THNSL2: variants seen among roughly 807,000 people sequenced by gnomAD.
THNSL2 encodes threonine synthase-like 2.
In THNSL2, 34 loss-of-function variants were observed where a neutral mutation model predicts 40.0. The ratio of observed to expected loss-of-function variants is 0.85; its 90% CI spans 0.65 to 1.13. The LOEUF is 1.13. Ranked by LOEUF, THNSL2 falls within the 50% of genes most tolerant of loss-of-function variation. The pLI, the probability that THNSL2 is intolerant of heterozygous loss-of-function variation, is 0.00. For synonymous variants in THNSL2, 241 were observed against 247.5 expected, an observed-to-expected ratio of 0.97 and a Z score of 0.25; for missense variants, 537 against 608.8, an observed-to-expected ratio of 0.88 and a Z score of 1.24.
In THNSL2 at chr2:88,178,786, A is replaced by T. The variant is rs1558891550; in HGVS notation, c.575A>T (p.Glu192Val). ...CCTCTTCTCTCCCCCCTGGCAGTGG[A>T]GGGAAACAGCGATGAGCTCGATGAG... ...LKQNVHVFGV[E>V]GNSDELDEPI... The change falls in exon 5 of 9, where the codon GAG becomes GTG. Residue 192 changes from glutamate (E) to valine (V), a missense_variant. By Grantham distance (121) the Glu-to-Val change is moderately radical. Coordinates refer to ENST00000674334, the MANE Select transcript of THNSL2 (RefSeq NM_018271.5). 1 of 1,614,064 alleles carries T rather than the reference A, an allele frequency of 6.2e-7. No individual in the cohort carries two copies. The highest frequency in any genetic ancestry group is 8.5e-7 in the Non-Finnish European group (1 of 1,180,006).
intron 5 of THNSL2, among the ~76,000 whole-genome samples, chr2:88,182,121 C>T (rs1408602906): frequency 6.6e-6 from 1 of 152,094 alleles, no homozygotes; most frequent in East Asian, 1.9e-4. Flanking sequence ...CTTTTGGGTA[C>T]ATAACTAGGA....
intron 4 of THNSL2, chr2:88,177,251 T>G (rs371781822): frequency 6.6e-6 from 1 of 152,250 alleles, no homozygotes. Flanking sequence ...AGATCCTTTC[T>G]TTCCTTTCTA....
chr2:88,183,152 A>G (rs1677884767), intron 7 of THNSL2, 79 bp downstream of exon 7: 4 of 1,553,832 alleles, frequency 2.6e-6, no homozygotes, highest in African/African-American at 1.4e-5. Context: ...AGTCTGGTCA[A>G]GGGAAGAGGA....
chr2:88,171,414 C>G, intron 1 of THNSL2: 1 of 438,864 alleles, frequency 2.3e-6, no homozygotes, highest in South Asian at 1.6e-5. Flanking sequence ...TTCCCAGTGC[C>G]CCAGGTGTGA....
chr2:88,182,901 C>T (rs1181291810), intron 6 of THNSL2, 47 bp from the exon 7 acceptor site: 9 of 1,611,942 alleles, frequency 5.6e-6, no homozygotes, highest in African/African-American at 1.3e-5. Context: ...GGGTGGGGCT[C>T]GATGGGGCTG....
At chr2:88,178,274 A>G (rs1050904182) in intron 4 of THNSL2, among the ~76,000 whole-genome samples, 1 of 152,152 alleles carries the variant, frequency 6.6e-6, no homozygotes, top group Non-Finnish European at 1.5e-5. Context: ...AGAGCAGAAC[A>G]CCTACTCTGT....
chr2:88,179,709 T>G lies in THNSL2; in HGVS notation c.802+696T>G, dbSNP rs140801114. Among the ~76,000 whole-genome samples, 292 of 152,354 alleles carry G rather than the reference T, an allele frequency of 1.9e-3. 2 individuals carry two copies. The highest frequency in any genetic ancestry group is 6.5e-3 in the Admixed American group (100 of 15,308). The stretch of plus-strand genomic sequence containing the variant: ...ATTAATATTTATCAAGCACTTAGTA[T>G]GCAACTGGCACAGTTCTAAATGCTT... On this transcript the variant is annotated intron_variant, in intron 5 of 8. Transcript: ENST00000674334.
In THNSL2 at chr2:88,175,259, G is replaced by T. The variant is rs75522866; in HGVS notation, c.429G>T (p.Gly143=). 7.0e-3 allele frequency: 11,291 copies of T among 1,613,928 alleles called. 523 individuals carry two copies. In the Admixed American group the frequency reaches 0.12, roughly 17 times the overall value. ...TTTCTTCCCATCCAGGAACATCTGG[G>T]GACACAGGAAGTGCTGCCATTGAGA... ...KHVTVVVGTS[G]DTGSAAIESV... The change falls in exon 4 of 9, where the codon GGG becomes GGT. Residue 143 remains glycine, a synonymous_variant. Coordinates refer to ENST00000674334, the MANE Select transcript of THNSL2 (RefSeq NM_018271.5).
At chr2:88,184,938 A>C (rs573193665) in intron 7 of THNSL2, among the ~76,000 whole-genome samples, 1 of 152,270 alleles carries the variant, frequency 6.6e-6, no homozygotes, top group African/African-American at 2.4e-5. Flanking sequence ...GTCTGAAGGA[A>C]GTAGGGAGGG....
At chr2:88,180,305 G>A (rs1225214596) in intron 5 of THNSL2, among the ~76,000 whole-genome samples, 1 of 152,234 alleles carries the variant, frequency 6.6e-6, no homozygotes, top group African/African-American at 2.4e-5. Context: ...TGTCAGGCAA[G>A]GATATCATGA....
chr2:88,171,951 G>C (rs1676421013), intron 1 of THNSL2: 1 of 152,304 alleles, frequency 6.6e-6, no homozygotes, highest in Non-Finnish European at 1.5e-5. Flanking sequence ...CGTGAGACTT[G>C]CACGGGGGCC....
chr2:88,175,294 G>A lies in THNSL2; in HGVS notation c.464G>A (p.Gly155Glu), dbSNP rs1558886799. The A allele has an allele frequency of 6.2e-7, 1 of 1,614,148 alleles. No homozygotes were observed. The highest frequency in any genetic ancestry group is 8.5e-7 in the Non-Finnish European group (1 of 1,180,034). ...TGSAAIESVQ[G>E]AKNMDIIVLL... ...AGTGCTGCCATTGAGAGTGTTCAAGGGGCAAAGAACATGGACATTATCGTT... is the reference window on the plus strand; with the variant it reads ...AGTGCTGCCATTGAGAGTGTTCAAGAGGCAAAGAACATGGACATTATCGTT... The change falls in exon 4 of 9, where the codon GGG becomes GAG. Residue 155 changes from glycine to glutamate, a missense_variant. Physicochemically the swap from Gly to Glu is moderately conservative, Grantham distance 98 (BLOSUM62 -2). Coordinates refer to ENST00000674334, the MANE Select transcript of THNSL2 (RefSeq NM_018271.5).
chr2:88,182,763 C>T lies in THNSL2; in HGVS notation c.867C>T (p.Asp289=), dbSNP rs1480514492. The change falls in exon 6 of 9, where the codon GAC becomes GAT. Residue 289 remains aspartate, a synonymous_variant. Transcript: ENST00000674334. ...TGGTCGTGGCAGTGAACCGCAATGA[C>T]ATCATCCACAGGACTGTCCAGCAGG... ...IRLVVAVNRN[D]IIHRTVQQGD... 1.2e-6 allele frequency: 2 copies of T among 1,614,216 alleles called. No homozygotes were observed. Among genetic ancestry groups the T allele is most frequent in the Non-Finnish European group, 1.7e-6 (2 of 1,180,050 alleles).
Position 88,173,256 on chromosome 2 carries a change from C to A in THNSL2, c.106C>A (p.Pro36Thr), listed in dbSNP as rs771748148. The A allele has an allele frequency of 9.3e-6, 15 of 1,612,248 alleles. No homozygotes were observed. In the Admixed American group the frequency reaches 2.5e-4, roughly 27 times the overall value. The stretch of plus-strand genomic sequence containing the variant: ...GGGCCTCTTTATGCCTGAAGAGCTC[C>A]CACAGTTGGACAGAGGGACCCTGTG... Reference protein sequence around the residue: ...DGGLFMPEELPQLDRGTLCQW... With the variant: ...DGGLFMPEELTQLDRGTLCQW... Residue 36 changes from proline (P) to threonine (T), a missense_variant, in exon 2 of 9, where the codon CCA becomes ACA. Physicochemically the swap from Pro to Thr is conservative, Grantham distance 38 (BLOSUM62 -1). Coordinates refer to ENST00000674334, the MANE Select transcript of THNSL2 (RefSeq NM_018271.5).
chr2:88,172,890 C>G (rs1005822098), intron 1 of THNSL2: 1 of 325,696 alleles, frequency 3.1e-6, no homozygotes, highest in Non-Finnish European at 5.6e-6. Flanking sequence ...CGGCATGCTC[C>G]GATACCCTCT....
intron 7 of THNSL2, 196 bp downstream of exon 7, chr2:88,183,269 A>G: frequency 1.5e-6 from 1 of 664,758 alleles, no homozygotes; most frequent in Non-Finnish European, 2.3e-6. Context: ...TTTAGAGTCA[A>G]ATGAGCTCAA....
At chr2:88,174,989 A>G (rs1676759972) in intron 3 of THNSL2, among the ~76,000 whole-genome samples, 156 bp downstream of exon 3, 1 of 152,194 alleles carries the variant, frequency 6.6e-6, no homozygotes, top group South Asian at 2.1e-4. Context: ...CCCCTTTGCC[A>G]GGCTGATGGA....
Position 88,182,804 on chromosome 2 carries a change from C to G in THNSL2, c.908C>G (p.Ser303Cys), listed in dbSNP as rs769362831. 2 of 1,614,014 alleles carry G rather than the reference C, an allele frequency of 1.2e-6. No homozygotes were observed. Among genetic ancestry groups the G allele is most frequent in the African/African-American group, 2.7e-5 (2 of 74,918 alleles). The change falls in exon 6 of 9, where the codon TCT becomes TGT. Residue 303 changes from serine to cysteine, a missense_variant. By Grantham distance (112) the Ser-to-Cys change is moderately radical. Transcript: ENST00000674334. ...GTCCAGCAGGGAGACTTCTCTCTCT[C>G]TGAGGCTGTTAAATCAACCTTGGCA... ...RTVQQGDFSL[S>C]EAVKSTLASA... is the part of the protein sequence containing the mutation.
intron 2 of THNSL2, among the ~76,000 whole-genome samples, chr2:88,173,633 A>C (rs970115734): frequency 7.2e-5 from 11 of 151,976 alleles, no homozygotes; most frequent in Non-Finnish European, 1.5e-4. Flanking sequence ...TTTAAAAAAA[A>C]AAAAACAAAA....
Sources: gnomAD v4.1 joint callset for allele counts (sites outside exome capture counted in the v4.1 genomes callset) on GRCh38, gnomAD v4.1.1 for gene constraint, MANE v1.5 for transcripts, NCBI Gene and HGNC (gene_info 2026-07-23, HGNC 2026-07-21) for gene names.